Variants in GRIP1 observed in about 807,000 individuals in gnomAD.
GRIP1 encodes glutamate receptor interacting protein 1, also known as glutamate receptor-interacting protein 1.
Under a neutral mutation model 129.9 loss-of-function variants are expected in GRIP1, and 45 were observed. That is an observed-to-expected ratio of 0.35 (90% CI 0.27 to 0.44). The LOEUF (loss-of-function observed/expected upper bound fraction) is 0.44, where lower values mean the gene tolerates loss of function less well. Among genes scored for constraint, GRIP1 ranks in the 20% least tolerant of loss-of-function variants. GRIP1 has a pLI of 1.00. For missense variants in GRIP1, 1,196 were observed against 1,396.8 expected, an observed-to-expected ratio of 0.86 and a Z score of 2.29; for synonymous variants, 530 against 520.8, an observed-to-expected ratio of 1.02 and a Z score of -0.24.
intron 1 of GRIP1, among the ~76,000 whole-genome samples, chr12:66,749,337 T>C (rs770921837): frequency 3.3e-5 from 5 of 152,158 alleles, no homozygotes; most frequent in Non-Finnish European, 4.4e-5. Context: ...TCAGTGTAAT[T>C]TGGGAAAGAG....
intron 1 of GRIP1, among the ~76,000 whole-genome samples, chr12:66,821,287 T>C (rs2039313163): frequency 1.3e-5 from 2 of 152,162 alleles, no homozygotes; most frequent in Admixed American, 6.6e-5. Context: ...TTTAACATTG[T>C]TTTTTAGATT....
chr12:66,485,306 T>C (rs138866319), intron 7 of GRIP1, among the ~76,000 whole-genome samples: 1 of 152,268 alleles, frequency 6.6e-6, no homozygotes, highest in Non-Finnish European at 1.5e-5. Context: ...TTTCATACAG[T>C]TATTGGCCAT....
intron 2 of GRIP1, among the ~76,000 whole-genome samples, chr12:66,552,914 A>G (rs1026228863): frequency 5.9e-5 from 9 of 152,184 alleles, no homozygotes; most frequent in Non-Finnish European, 1.3e-4. Context: ...TGGAGAAGCC[A>G]TGGGCCTGCT....
At position 66,418,188 on chromosome 12, in the gene GRIP1, A is replaced by G. The variant is rs2057677740; in HGVS notation, c.1838+2532T>C. Among the ~76,000 whole-genome samples, 3 of 152,202 alleles carry G rather than the reference A, an allele frequency of 2.0e-5. 1 individual carries two copies. Among genetic ancestry groups the G allele is most frequent in the Admixed American group, 2.0e-4 (3 of 15,272 alleles). The stretch of plus-strand genomic sequence containing the variant: ...AGGTGCCTAGAAACATACATTGGGG[A>G]AAAGACAGTCTCTTCAACAAATGGT... On this transcript the variant is annotated intron_variant, in intron 15 of 24. Transcript: ENST00000359742.
chr12:66,654,629 C>G (rs1240620259), intron 1 of GRIP1, among the ~76,000 whole-genome samples: 1 of 152,104 alleles, frequency 6.6e-6, no homozygotes. Context: ...TAAATAATGG[C>G]AGCAGGACAA....
intron 1 of GRIP1, among the ~76,000 whole-genome samples, chr12:66,801,492 G>C (rs971316433): frequency 2.0e-5 from 3 of 152,010 alleles, no homozygotes; most frequent in Admixed American, 1.3e-4. Context: ...TTTTAATTCA[G>C]ACTCTGGCAT....
intron 7 of GRIP1, among the ~76,000 whole-genome samples, chr12:66,492,140 T>C (rs2060119943): frequency 6.6e-6 from 1 of 152,088 alleles, no homozygotes; most frequent in Non-Finnish European, 1.5e-5. Flanking sequence ...TCTGGCATCT[T>C]GTGCTACAGT....
At chr12:66,363,924 A>G (rs905458707) in intron 23 of GRIP1, among the ~76,000 whole-genome samples, 10 of 152,186 alleles carry the variant, frequency 6.6e-5, no homozygotes, top group Non-Finnish European at 8.8e-5. Flanking sequence ...GACTACAGTT[A>G]ATAATAATGT....
At chr12:66,955,103 T>C (rs983727589) in intron 1 of GRIP1, among the ~76,000 whole-genome samples, 5 of 152,174 alleles carry the variant, frequency 3.3e-5, no homozygotes, top group African/African-American at 4.8e-5. Flanking sequence ...AATTGCTAAA[T>C]TGGTTTGCAT....
intron 1 of GRIP1, among the ~76,000 whole-genome samples, chr12:66,644,318 TC>T (rs1283094734): frequency 2.0e-5 from 3 of 152,108 alleles, no homozygotes; most frequent in Non-Finnish European, 4.4e-5. Context: ...TGTTCATTTT[TC>T]CTTTTGTGAA....
rs368754197 is a variant in GRIP1, at chr12:66,394,332, C to T, written c.2005G>A (p.Ala669Thr). ...DNSDEQESSG[A>T]IIYTVELKRY... Reference sequence around the variant, plus strand: ...TTAAGCTCCACGGTGTAAATAATTGCTCCGGAACTTTCTTGCTCATCTGTA... The same window carrying T: ...TTAAGCTCCACGGTGTAAATAATTGTTCCGGAACTTTCTTGCTCATCTGTA... The change falls in exon 17 of 25, where the codon GCA (alanine) becomes ACA (threonine). Residue 669 changes from alanine (A) to threonine (T), a missense_variant. Ala to Thr is a moderately conservative substitution (Grantham distance 58). Transcript: ENST00000359742. 3.1e-6 allele frequency: 5 copies of T among 1,614,068 alleles called. No homozygotes were observed. The highest frequency in any genetic ancestry group is 1.1e-5 in the South Asian group (1 of 91,080).
At chr12:66,898,555 A>T (rs1472385135) in intron 1 of GRIP1, among the ~76,000 whole-genome samples, 1 of 152,152 alleles carries the variant, frequency 6.6e-6, no homozygotes, top group Non-Finnish European at 1.5e-5. Context: ...CAAGCTCTGG[A>T]TGCTGCCCTC....
chr12:67,010,785 T>C (rs1442325308), intron 1 of GRIP1, among the ~76,000 whole-genome samples: 1 of 151,896 alleles, frequency 6.6e-6, no homozygotes, highest in Non-Finnish European at 1.5e-5. Context: ...CATGGACATA[T>C]AAAACCAGCC....
intron 1 of GRIP1, among the ~76,000 whole-genome samples, chr12:66,865,708 CT>C (rs1416280069): frequency 6.6e-6 from 1 of 152,018 alleles, no homozygotes; most frequent in Non-Finnish European, 1.5e-5. Flanking sequence ...TCTCTATCTT[CT>C]TGTAATCTTC....
chr12:66,424,270 AC>A (rs2057908971), intron 14 of GRIP1, among the ~76,000 whole-genome samples: 1 of 152,222 alleles, frequency 6.6e-6, no homozygotes, highest in African/African-American at 2.4e-5. Context: ...CATTCTTGGT[AC>A]TCACAAGGAA....
intron 1 of GRIP1, among the ~76,000 whole-genome samples, chr12:66,714,681 T>A (rs1401820966): frequency 6.6e-6 from 1 of 152,072 alleles, no homozygotes; most frequent in Admixed American, 6.6e-5. Flanking sequence ...ACAAGAAAAT[T>A]ATGTGTCATT....
chr12:66,737,345 G>A (rs753972734), intron 1 of GRIP1, among the ~76,000 whole-genome samples: 1 of 151,966 alleles, frequency 6.6e-6, no homozygotes, highest in East Asian at 1.9e-4. Context: ...GTGCAGTGGC[G>A]CGATCTCAGC....
At chr12:66,924,830 T>C (rs979423824) in intron 1 of GRIP1, among the ~76,000 whole-genome samples, 4 of 151,058 alleles carry the variant, frequency 2.6e-5, no homozygotes, top group Admixed American at 6.6e-5. Context: ...ATTAGCCGGG[T>C]GTGGTGGCGG....
At chr12:66,913,860 G>A (rs1018840252) in intron 1 of GRIP1, among the ~76,000 whole-genome samples, 1 of 152,110 alleles carries the variant, frequency 6.6e-6, no homozygotes, top group Admixed American at 6.6e-5. Flanking sequence ...GTTAAAAATA[G>A]TCTGTTAGTA....
Sources: allele counts gnomAD v4.1 joint callset (sites outside exome capture counted in the v4.1 genomes callset), GRCh38; gene constraint gnomAD v4.1.1; transcripts MANE v1.5; gene names NCBI Gene and HGNC (gene_info 2026-07-23, HGNC 2026-07-21).